The following AVEN variants were observed in gnomAD, a reference collection of about 807,000 sequenced individuals.
The protein encoded by AVEN is apoptosis and caspase activation inhibitor.
In AVEN, 41 loss-of-function variants were observed where a neutral mutation model predicts 38.1. The ratio of observed to expected loss-of-function variants is 1.08; its 90% CI spans 0.84 to 1.40. AVEN has a LOEUF of 1.40. Ranked by LOEUF, AVEN falls within the 40% of genes most tolerant of loss-of-function variation. The probability of loss-of-function intolerance (pLI) is 0.00; values close to 1 mark genes in which losing one functional copy is unlikely to be tolerated. For synonymous variants in AVEN, 206 were observed against 171.8 expected, an observed-to-expected ratio of 1.20 and a Z score of -1.56; for missense variants, 605 against 438.8, an observed-to-expected ratio of 1.38 and a Z score of -3.38.
At chr15:33,879,664 A>C (rs923763046) in intron 2 of AVEN, among the ~76,000 whole-genome samples, 3 of 152,198 alleles carry the variant, frequency 2.0e-5, no homozygotes, top group Non-Finnish European at 2.9e-5. Context: ...AACTGGAGGC[A>C]AAATAAGACT....
At position 33,867,891 on chromosome 15, in the gene AVEN, G is replaced by C. The variant is rs748536631; in HGVS notation, c.613-36C>G. ...AGTATAAAAACTGAGTTAAAAATGT[G>C]AGTCTTGCCATATTGGCTTAAGTAA... On this transcript the variant is annotated intron_variant, in intron 4 of 5. Transcript: ENST00000306730. 8 of 1,527,810 alleles carry C rather than the reference G, an allele frequency of 5.2e-6. No homozygotes were observed. The African/African-American group carries it at 5.6e-5, about 11-fold the overall frequency. 94.6% of individuals were successfully genotyped at this position (1,527,810 alleles called of 1,614,324 possible).
At chr15:33,920,966 G>T (rs568228093) in intron 2 of AVEN, among the ~76,000 whole-genome samples, 2 of 151,934 alleles carry the variant, frequency 1.3e-5, no homozygotes, top group Non-Finnish European at 2.9e-5. Context: ...GGTAGAGACG[G>T]GTTTCCACCA....
chr15:33,860,346 G>C (rs1361182577), intron 11 of AVEN, among the ~76,000 whole-genome samples: 3 of 152,164 alleles, frequency 2.0e-5, no homozygotes, highest in African/African-American at 4.8e-5. Flanking sequence ...GGGAGAAGTA[G>C]AAAGGAAAGA....
chr15:33,858,939 C>CT (rs1302126094), exon 12 of AVEN: 1 of 152,482 alleles, frequency 6.6e-6, no homozygotes, highest in Non-Finnish European at 1.5e-5. Flanking sequence ...ATCCTAGCCC[C>CT]TAGAGTACTG....
At chr15:33,854,315 A>T, downstream of AVEN, 2 of 1,264,078 alleles carry the variant, frequency 1.6e-6, no homozygotes, top group Non-Finnish European at 1.1e-6. Context: ...GAAAAAACTT[A>T]CTTTTTCCCC....
intron 2 of AVEN, among the ~76,000 whole-genome samples, chr15:33,985,465 T>A (rs949658700): frequency 2.7e-5 from 3 of 109,492 alleles, no homozygotes; most frequent in African/African-American, 1.1e-4. Flanking sequence ...CTTGAGTAAG[T>A]AGAAGCAACC....
At chr15:33,894,907 A>T (rs541583715) in intron 2 of AVEN, among the ~76,000 whole-genome samples, 1 of 150,976 alleles carries the variant, frequency 6.6e-6, no homozygotes, top group South Asian at 2.1e-4. Flanking sequence ...CTTTTTCCTA[A>T]CTTGTATATC....
At chr15:34,067,755 C>T (rs1460800588) in intron 2 of AVEN, among the ~76,000 whole-genome samples, 2 of 152,126 alleles carry the variant, frequency 1.3e-5, no homozygotes, top group African/African-American at 4.8e-5. Flanking sequence ...AGTCCTTTAC[C>T]GAGTGGAGAC....
intron 2 of AVEN, among the ~76,000 whole-genome samples, chr15:33,917,435 TACACACATATATACAC>T (rs1567412554): frequency 6.0e-5 from 9 of 149,104 alleles, no homozygotes; most frequent in South Asian, 2.1e-4. Context: ...ACTATATATA[TACACACATATATACAC>T]ACACACATAT....
Position 33,983,930 on chromosome 15 carries a change from G to GA in AVEN, c.445+19101dup, listed in dbSNP as rs11353733. 8.0e-3 allele frequency among the ~76,000 whole-genome samples: 1,141 copies of GA among 142,934 alleles called. 8 individuals carry two copies. The highest frequency in any genetic ancestry group is 0.023 in the African/African-American group (896 of 39,686). The allele number at this position is 142,934 out of a possible 152,430, so 93.8% of individuals were successfully genotyped here. A position where few individuals can be genotyped will look rare whatever the true frequency, so the allele number is the denominator to read the frequency against. The stretch of plus-strand genomic sequence containing the variant: ...GAATCCATAATCTCAGCCTCATCAT[G>GA]AAAAAAAAAAAAATCAGAAAAACCC... On this transcript the variant is annotated intron_variant, in intron 2 of 5. Transcript: ENST00000306730.
At chr15:33,981,703 G>C (rs10519899) in intron 2 of AVEN, among the ~76,000 whole-genome samples, 24,905 of 152,110 alleles carry the variant, frequency 0.16, 2,388 homozygotes, top group African/African-American at 0.25. Flanking sequence ...TGTGATCCTT[G>C]TTACCTAACT....
chr15:34,002,106 T>C (rs1267589927), intron 2 of AVEN, among the ~76,000 whole-genome samples: 2 of 152,126 alleles, frequency 1.3e-5, no homozygotes, highest in African/African-American at 4.8e-5. Flanking sequence ...AACCATAATA[T>C]AATATCACAA....
At chr15:33,915,684 G>T (rs901782181) in intron 2 of AVEN, among the ~76,000 whole-genome samples, 1 of 152,194 alleles carries the variant, frequency 6.6e-6, no homozygotes, top group Non-Finnish European at 1.5e-5. Context: ...CGGGAGAGGG[G>T]ATGAATCAGG....
chr15:33,875,580 C>CTG (rs1891189345), intron 3 of AVEN, among the ~76,000 whole-genome samples: 1 of 152,146 alleles, frequency 6.6e-6, no homozygotes, highest in Non-Finnish European at 1.5e-5. Context: ...AGACAGAAAA[C>CTG]TAATTTTCAA....
At chr15:34,023,042 C>T (rs1283808071) in intron 1 of AVEN, among the ~76,000 whole-genome samples, 2 of 152,184 alleles carry the variant, frequency 1.3e-5, no homozygotes, top group Non-Finnish European at 2.9e-5. Flanking sequence ...CAAAAATTAG[C>T]CTGGCGTGGT....
intron 2 of AVEN, among the ~76,000 whole-genome samples, chr15:33,915,898 C>T (rs1053452306): frequency 5.3e-5 from 8 of 152,116 alleles, no homozygotes; most frequent in Non-Finnish European, 8.8e-5. Flanking sequence ...TGGGTAAGGG[C>T]TTGCTTTACC....
chr15:33,914,507 C>T (rs1597225129), intron 2 of AVEN, among the ~76,000 whole-genome samples: 2 of 151,712 alleles, frequency 1.3e-5, no homozygotes, highest in South Asian at 2.1e-4. Flanking sequence ...GAGGAATAAA[C>T]TCCAAATGCC....
chr15:34,033,286 G>A (rs1364810147), intron 1 of AVEN, among the ~76,000 whole-genome samples: 6 of 152,116 alleles, frequency 3.9e-5, no homozygotes, highest in Non-Finnish European at 8.8e-5. Flanking sequence ...CGGGCGGACT[G>A]CCTGACCTCA....
chr15:34,060,442 G>C (rs1900296223), intron 5 of AVEN, among the ~76,000 whole-genome samples: 1 of 152,172 alleles, frequency 6.6e-6, no homozygotes, highest in Non-Finnish European at 1.5e-5. Flanking sequence ...ATAAAGCAAA[G>C]CCAAGAAAAC....
Sources: allele counts gnomAD v4.1 joint callset (sites outside exome capture counted in the v4.1 genomes callset), GRCh38; gene constraint gnomAD v4.1.1; transcripts MANE v1.5; gene names NCBI Gene and HGNC (gene_info 2026-07-23, HGNC 2026-07-21).